Variants in DPP10 observed in about 807,000 individuals in gnomAD.
DPP10 encodes the protein inactive dipeptidyl peptidase 10.
Under a neutral mutation model 120.9 loss-of-function variants are expected in DPP10, and 33 were observed. That is an observed-to-expected ratio of 0.27 (90% CI 0.21 to 0.37). DPP10 has a LOEUF of 0.37. Among genes scored for constraint, DPP10 ranks in the 10% least tolerant of loss-of-function variants. The pLI is 1.00. For missense variants in DPP10, 816 were observed against 942.8 expected (o/e 0.87, Z 1.76); for synonymous variants, 337 against 326.1 (o/e 1.03, Z -0.36).
intron 1 of DPP10, among the ~76,000 whole-genome samples, chr2:115,214,267 A>G (rs2056683990): frequency 6.6e-6 from 1 of 152,120 alleles, no homozygotes; most frequent in Admixed American, 6.5e-5. Flanking sequence ...TTTAGTGACA[A>G]CTCTGGCTTT....
intron 1 of DPP10, among the ~76,000 whole-genome samples, chr2:114,590,898 A>G (rs1238757869): frequency 6.6e-6 from 1 of 152,240 alleles, no homozygotes; most frequent in East Asian, 1.9e-4. Flanking sequence ...TTTGAAATTC[A>G]CTAAAATGTA....
chr2:114,736,696 T>A (rs1281847424), intron 1 of DPP10, among the ~76,000 whole-genome samples: 1 of 152,212 alleles, frequency 6.6e-6, no homozygotes, highest in African/African-American at 2.4e-5. Context: ...TCAAAGATGA[T>A]CCAACTTTCC....
chr2:115,798,732 T>C lies in DPP10; in HGVS notation c.1700+7376T>C, dbSNP rs528533820. On this transcript the variant is annotated intron_variant, in intron 19 of 25. Transcript: ENST00000410059. ...TTTTAAAAGAAAACCACAACCCAAA[T>C]AATACAATTGTTATTAATATAGTAA... is the stretch of plus-strand genomic sequence containing the variant. Among the ~76,000 whole-genome samples the C allele has an allele frequency of 7.9e-5, 12 of 152,238 alleles. No individual in the cohort carries two copies. In the South Asian group the frequency reaches 2.5e-3, roughly 32 times the overall value.
chr2:115,272,749 C>T (rs1477893367), intron 1 of DPP10, among the ~76,000 whole-genome samples: 2 of 152,224 alleles, frequency 1.3e-5, no homozygotes, highest in African/African-American at 4.8e-5. Context: ...CCAGCCCCTC[C>T]CCTGCCCACG....
chr2:115,394,124 T>C (rs2067505240), intron 3 of DPP10, among the ~76,000 whole-genome samples: 1 of 152,178 alleles, frequency 6.6e-6, no homozygotes, highest in South Asian at 2.1e-4. Flanking sequence ...GAATCGATTC[T>C]AAAAACTAGG....
intron 1 of DPP10, among the ~76,000 whole-genome samples, chr2:114,660,514 C>T (rs1335161102): frequency 1.3e-5 from 2 of 152,048 alleles, no homozygotes; most frequent in African/African-American, 2.4e-5. Flanking sequence ...CTTAGTATGG[C>T]TTGTTCAAGT....
intron 1 of DPP10, among the ~76,000 whole-genome samples, chr2:115,113,154 T>C (rs2049316571): frequency 7.1e-6 from 1 of 140,698 alleles, no homozygotes; most frequent in East Asian, 2.1e-4. Context: ...TAATATTATA[T>C]ATCAACATAT....
intron 1 of DPP10, among the ~76,000 whole-genome samples, chr2:114,591,731 TTTTAG>T (rs1180471251): frequency 6.6e-6 from 1 of 151,938 alleles, no homozygotes; most frequent in Non-Finnish European, 1.5e-5. Context: ...ATTTTTGTAT[TTTTAG>T]TAGAGACAGG....
intron 1 of DPP10, among the ~76,000 whole-genome samples, chr2:114,740,414 G>T (rs961251139): frequency 5.4e-4 from 79 of 145,628 alleles, no homozygotes; most frequent in African/African-American, 1.9e-3. Flanking sequence ...GCTAAATGAC[G>T]AGTTAATGGG....
chr2:115,792,929 C>T (rs1031486959), intron 19 of DPP10, among the ~76,000 whole-genome samples: 17 of 152,160 alleles, frequency 1.1e-4, no homozygotes, highest in Non-Finnish European at 2.2e-4. Context: ...TTTATGCAGA[C>T]GAATGTGTAG....
Position 114,852,520 on chromosome 2 carries a change from A to T in DPP10, c.60+409682A>T, listed in dbSNP as rs192150769. Among the ~76,000 whole-genome samples, 395 of 152,308 alleles carry T rather than the reference A, an allele frequency of 2.6e-3. 3 individuals are homozygous for T. The highest frequency in any genetic ancestry group is 3.4e-3 in the Non-Finnish European group (232 of 68,026). ...TTACATTTTATTATGTATTATAAGT[A>T]ATCTAGAGACGATTTAAAGTACACA... On this transcript the variant is annotated intron_variant, in intron 1 of 25. Coordinates refer to ENST00000410059, the MANE Select transcript of DPP10 (RefSeq NM_020868.6).
At chr2:114,623,837 A>C (rs987833703) in intron 1 of DPP10, among the ~76,000 whole-genome samples, 1 of 152,062 alleles carries the variant, frequency 6.6e-6, no homozygotes, top group Non-Finnish European at 1.5e-5. Flanking sequence ...TTAGTAATTA[A>C]AATTCCTAAA....
chr2:115,504,565 G>T (rs545544551), intron 4 of DPP10, among the ~76,000 whole-genome samples: 33 of 151,890 alleles, frequency 2.2e-4, no homozygotes, highest in African/African-American at 8.0e-4. Context: ...GATTATTTAT[G>T]TTTGTTTACA....
chr2:114,815,014 A>C (rs573739837), intron 1 of DPP10, among the ~76,000 whole-genome samples: 2 of 152,210 alleles, frequency 1.3e-5, no homozygotes, highest in African/African-American at 4.8e-5. Context: ...ATGGCAAGAG[A>C]AGGGGGCAAA....
chr2:115,634,194 T>C (rs2086131898), intron 5 of DPP10, among the ~76,000 whole-genome samples: 1 of 152,204 alleles, frequency 6.6e-6, no homozygotes, highest in Admixed American at 6.5e-5. Context: ...TTCTGAAGAC[T>C]ACTTCCGTCA....
intron 1 of DPP10, among the ~76,000 whole-genome samples, chr2:115,262,562 C>T (rs923239454): frequency 2.0e-5 from 3 of 151,740 alleles, no homozygotes; most frequent in Admixed American, 1.3e-4. Flanking sequence ...TTTTTATAAA[C>T]GTATTGTTTC....
intron 1 of DPP10, among the ~76,000 whole-genome samples, chr2:114,685,611 G>A (rs1211105128): frequency 6.6e-6 from 1 of 151,704 alleles, no homozygotes; most frequent in Non-Finnish European, 1.5e-5. Flanking sequence ...CCCTAAACTC[G>A]CAATTCTGCT....
chr2:115,296,257 T>C (rs1221219294), intron 1 of DPP10, among the ~76,000 whole-genome samples: 1 of 152,046 alleles, frequency 6.6e-6, no homozygotes, highest in Non-Finnish European at 1.5e-5. Context: ...TTCACCCAGA[T>C]GCTCGGCGGC....
intron 5 of DPP10, among the ~76,000 whole-genome samples, chr2:115,560,230 G>A (rs1014035254): frequency 2.0e-5 from 3 of 148,738 alleles, no homozygotes; most frequent in East Asian, 4.0e-4. Flanking sequence ...AATTAGCCAG[G>A]TGTGGTGGCT....
Sources: gnomAD v4.1 joint callset for allele counts (sites outside exome capture counted in the v4.1 genomes callset) on GRCh38, gnomAD v4.1.1 for gene constraint, MANE v1.5 for transcripts, NCBI Gene and HGNC (gene_info 2026-07-23, HGNC 2026-07-21) for gene names.